The following RBFOX1 variants were observed in gnomAD, a reference collection of about 807,000 sequenced individuals.
The protein encoded by RBFOX1 is RNA binding protein fox-1 homolog 1.
In RBFOX1, 8 loss-of-function variants were observed where a neutral mutation model predicts 57.7. The ratio of observed to expected loss-of-function variants is 0.14; its 90% CI spans 0.08 to 0.25. RBFOX1 has a LOEUF of 0.25. RBFOX1 is among the 10% of genes least tolerant of loss of function. RBFOX1 has a pLI of 1.00. For missense variants in RBFOX1, 611 were observed against 548.5 expected, an observed-to-expected ratio of 1.11 and a Z score of -1.14; for synonymous variants, 326 against 222.4, an observed-to-expected ratio of 1.47 and a Z score of -4.15.
chr16:7,702,775 C>T (rs1046014189), intron 14 of RBFOX1, among the ~76,000 whole-genome samples: 1 of 152,146 alleles, frequency 6.6e-6, no homozygotes, highest in African/African-American at 2.4e-5. Context: ...TCCGGATGGG[C>T]AAAAGCAACA....
At chr16:5,812,587 G>A (rs1394098952) in intron 3 of RBFOX1, among the ~76,000 whole-genome samples, 2 of 151,374 alleles carry the variant, frequency 1.3e-5, no homozygotes, top group Non-Finnish European at 2.9e-5. Flanking sequence ...AGCCTTCCAA[G>A]CAGCTAAGAC....
intron 4 of RBFOX1, among the ~76,000 whole-genome samples, chr16:7,220,467 C>A (rs917630220): frequency 1.3e-5 from 2 of 152,158 alleles, no homozygotes; most frequent in Non-Finnish European, 2.9e-5. Flanking sequence ...TGTGTTGACA[C>A]CAACATGGGA....
intron 2 of RBFOX1, among the ~76,000 whole-genome samples, chr16:6,506,504 G>C (rs139293855): frequency 5.4e-4 from 82 of 152,122 alleles, no homozygotes; most frequent in African/African-American, 2.0e-3. Context: ...AAAAAGATGC[G>C]TCAGGGTTAA....
intron 5 of RBFOX1, among the ~76,000 whole-genome samples, chr16:7,553,899 G>A (rs768621330): frequency 4.6e-5 from 7 of 152,206 alleles, no homozygotes; most frequent in Non-Finnish European, 1.0e-4. Flanking sequence ...GAAGAGCTAA[G>A]TTCTGCTTAA....
rs532583642 is a variant in RBFOX1, at chr16:6,265,133, T to C, written c.-126-51862T>C. Among the ~76,000 whole-genome samples, 11 of 152,308 alleles carry C rather than the reference T, an allele frequency of 7.2e-5. No individual in the cohort carries two copies. In the East Asian group the frequency reaches 1.9e-3, roughly 27 times the overall value. ...CGGAGACAGTTATCTGGGGCTATTT[T>C]CTAGATGTTAGACACGAGGAAACCT... On this transcript the variant is annotated intron_variant, in intron 1 of 15. Coordinates refer to ENST00000550418, the MANE Select transcript of RBFOX1 (RefSeq NM_018723.4).
rs541145537 is a variant in RBFOX1, at chr16:5,839,890, C to T, written c.319-27413C>T. Reference sequence around the variant, plus strand: ...GCAGCTCATTGACTAGAATCAGTCTCGTTGGTAACCCCTATGAGCAATCAA... The same window carrying T: ...GCAGCTCATTGACTAGAATCAGTCTTGTTGGTAACCCCTATGAGCAATCAA... On this transcript the variant is annotated intron_variant, in intron 3 of 19. Coordinates refer to the RBFOX1 transcript ENST00000641259. Among the ~76,000 whole-genome samples the T allele has an allele frequency of 7.9e-5, 12 of 152,236 alleles. No homozygotes were observed. The South Asian group carries it at 1.5e-3, about 18-fold the overall frequency.
intron 2 of RBFOX1, among the ~76,000 whole-genome samples, chr16:5,580,383 A>G (rs993545015): frequency 1.3e-5 from 2 of 152,054 alleles, no homozygotes; most frequent in Non-Finnish European, 2.9e-5. Flanking sequence ...GCCTGGCACC[A>G]TTTTCCGAGG....
intron 2 of RBFOX1, among the ~76,000 whole-genome samples, chr16:6,472,920 C>T (rs565272632): frequency 9.9e-5 from 15 of 152,048 alleles, no homozygotes; most frequent in Non-Finnish European, 1.6e-4. Context: ...CCACTGTGCC[C>T]GGCCCAGTTT....
At chr16:5,385,689 C>T (rs568963726) in intron 1 of RBFOX1, among the ~76,000 whole-genome samples, 30 of 152,144 alleles carry the variant, frequency 2.0e-4, no homozygotes, top group Non-Finnish European at 4.3e-4. Context: ...CAGCTTCTCC[C>T]TGAATTTTGT....
intron 3 of RBFOX1, among the ~76,000 whole-genome samples, chr16:7,050,009 C>G (rs2049442064): frequency 6.6e-6 from 1 of 152,194 alleles, no homozygotes; most frequent in Non-Finnish European, 1.5e-5. Flanking sequence ...AGTCACTCCT[C>G]CTTTTCCATT....
intron 3 of RBFOX1, among the ~76,000 whole-genome samples, chr16:5,814,304 A>T (rs1421596732): frequency 2.0e-5 from 3 of 152,208 alleles, no homozygotes; most frequent in Non-Finnish European, 4.4e-5. Context: ...AAGGGATTGT[A>T]CTCTGTAAAA....
At chr16:7,096,604 C>T (rs189469293) in intron 4 of RBFOX1, among the ~76,000 whole-genome samples, 1 of 152,058 alleles carries the variant, frequency 6.6e-6, no homozygotes, top group Non-Finnish European at 1.5e-5. Context: ...AAAATATTTG[C>T]TGTTTGGATC....
intron 3 of RBFOX1, among the ~76,000 whole-genome samples, chr16:5,733,541 G>C (rs1468508706): frequency 6.6e-6 from 1 of 152,128 alleles, no homozygotes; most frequent in Non-Finnish European, 1.5e-5. Flanking sequence ...CCTTGGCCAG[G>C]TCAGCTGGGC....
At chr16:6,606,434 C>G (rs139317366) in intron 2 of RBFOX1, among the ~76,000 whole-genome samples, 1,942 of 152,214 alleles carry the variant, frequency 0.013, 34 homozygotes, top group South Asian at 0.037. Flanking sequence ...AAACGTGTGC[C>G]ATAGTGATTT....
At position 6,522,688 on chromosome 16, in the gene RBFOX1, C is replaced by G. The variant is rs575024827; in HGVS notation, c.-63-131915C>G. Among the ~76,000 whole-genome samples the G allele has an allele frequency of 2.6e-5, 4 of 152,208 alleles. No individual in the cohort carries two copies. In the South Asian group the frequency reaches 8.3e-4, roughly 32 times the overall value. ...CCAGGTTAATCTTTAGGTACAGTAC[C>G]TAAGAAACAGTGAACCATAAGAAGG... is the stretch of plus-strand genomic sequence containing the variant. On this transcript the variant is annotated intron_variant, in intron 2 of 15. Coordinates refer to ENST00000550418, the MANE Select transcript of RBFOX1 (RefSeq NM_018723.4).
chr16:6,814,335 G>C (rs886293836), intron 3 of RBFOX1, among the ~76,000 whole-genome samples: 1 of 152,066 alleles, frequency 6.6e-6, no homozygotes, highest in African/African-American at 2.4e-5. Context: ...TTAAGACATA[G>C]CTCCTGATCA....
intron 3 of RBFOX1, among the ~76,000 whole-genome samples, chr16:5,797,637 A>G (rs1475735806): frequency 6.6e-6 from 1 of 152,218 alleles, no homozygotes; most frequent in Non-Finnish European, 1.5e-5. Flanking sequence ...AATATTTGAA[A>G]GAGCCAGCTT....
intron 2 of RBFOX1, among the ~76,000 whole-genome samples, chr16:5,549,682 C>G (rs879897892): frequency 3.3e-5 from 5 of 152,060 alleles, no homozygotes; most frequent in East Asian, 1.9e-4. Flanking sequence ...AGGGTAGAAA[C>G]CTAATACAAA....
At chr16:6,827,734 T>C (rs1453212283) in intron 3 of RBFOX1, among the ~76,000 whole-genome samples, 1 of 152,130 alleles carries the variant, frequency 6.6e-6, no homozygotes, top group Admixed American at 6.5e-5. Context: ...GCTGATCCCC[T>C]ACATGGATCT....
Sources: gnomAD v4.1 joint callset for allele counts (sites outside exome capture counted in the v4.1 genomes callset) on GRCh38, gnomAD v4.1.1 for gene constraint, MANE v1.5 for transcripts, NCBI Gene and HGNC (gene_info 2026-07-23, HGNC 2026-07-21) for gene names.